Variants in UQCRH observed in about 807,000 individuals in gnomAD.
UQCRH encodes the protein ubiquinol-cytochrome c reductase hinge protein, also known as cytochrome b-c1 complex subunit 6, mitochondrial.
A neutral mutation model predicts 16.3 loss-of-function variants in UQCRH; 14 were observed. The observed-to-expected ratio is 0.86, with a 90% CI of 0.57 to 1.34. UQCRH has a LOEUF of 1.34. Among genes scored for constraint, UQCRH ranks in the 40% most tolerant of loss-of-function variants. The pLI, the probability that UQCRH is intolerant of heterozygous loss-of-function variation, is 0.00. For missense variants in UQCRH, 89 were observed against 111.9 expected (o/e 0.80, Z 0.92); for synonymous variants, 41 against 41.9 (o/e 0.98, Z 0.08).
At chr1:46,312,540 C>G (rs1363347385) in intron 3 of UQCRH, among the ~76,000 whole-genome samples, 3 of 151,828 alleles carry the variant, frequency 2.0e-5, no homozygotes, top group Non-Finnish European at 4.4e-5. Context: ...TGTGAGATAC[C>G]ATGCCTGGCC....
At chr1:46,303,901 C>G (rs1307524052) in intron 1 of UQCRH, 81 bp downstream of exon 1, 1 of 1,584,506 alleles carries the variant, frequency 6.3e-7, no homozygotes, top group Non-Finnish European at 8.7e-7. Context: ...ACGGGGCCCT[C>G]TTAGCCCCCA....
chr1:46,314,555 C>T (rs1337946687), intron 3 of UQCRH, among the ~76,000 whole-genome samples: 1 of 151,298 alleles, frequency 6.6e-6, no homozygotes, highest in East Asian at 1.9e-4. Flanking sequence ...CGCCTGTAAT[C>T]CCAGCTACTC....
At chr1:46,316,520 A>G (rs17102133) in intron 3 of UQCRH, 32 bp from the exon 4 acceptor site, 40,308 of 1,613,406 alleles carry the variant, frequency 0.025, 915 homozygotes, top group African/African-American at 0.1. Context: ...AAAGCTGCCA[A>G]TTGATTACCT....
intron 1 of UQCRH, 62 bp downstream of exon 1, chr1:46,303,882 A>G: frequency 6.2e-7 from 1 of 1,610,852 alleles, no homozygotes; most frequent in Non-Finnish European, 8.5e-7. Context: ...CTAGCCCGCC[A>G]AAACACGCAC....
chr1:46,312,427 T>G (rs1357590016), intron 3 of UQCRH, among the ~76,000 whole-genome samples: 1 of 152,038 alleles, frequency 6.6e-6, no homozygotes, highest in Non-Finnish European at 1.5e-5. Context: ...ATTTTTGTAT[T>G]TTTTGTAGAG....
chr1:46,314,364 CAA>C (rs59435183), intron 3 of UQCRH, among the ~76,000 whole-genome samples: 18 of 73,042 alleles, frequency 2.5e-4, no homozygotes, highest in Admixed American at 4.0e-4. Flanking sequence ...GACTCCGTCT[CAA>C]AAAAAAAAAA....
At chr1:46,313,088 C>A (rs150733134) in intron 3 of UQCRH, among the ~76,000 whole-genome samples, 3 of 152,064 alleles carry the variant, frequency 2.0e-5, no homozygotes, top group African/African-American at 7.3e-5. Flanking sequence ...CAATTACACT[C>A]GAAGATATAT....
chr1:46,310,353 A>T, intron 3 of UQCRH, 37 bp downstream of exon 3: 1 of 1,613,720 alleles, frequency 6.2e-7, no homozygotes, highest in Non-Finnish European at 8.5e-7. Context: ...GAAAGGTTGC[A>T]ATGGTCAGGG....
At position 46,314,222 on chromosome 1, in the gene UQCRH, C is replaced by T. The variant is rs146275236; in HGVS notation, c.244-2330C>T. Among the ~76,000 whole-genome samples the T allele has an allele frequency of 7.7e-3, 1,167 of 152,042 alleles. 9 individuals are homozygous for T. The highest frequency in any genetic ancestry group is 0.027 in the South Asian group (129 of 4,816). Reference sequence around the variant, plus strand: ...CTGTCTCAAAATACAAAAGATTAGCCGGGCATGGTGGCGGGTGCTTGTAGA... The same window carrying T: ...CTGTCTCAAAATACAAAAGATTAGCTGGGCATGGTGGCGGGTGCTTGTAGA... On this transcript the variant is annotated intron_variant, in intron 3 of 3. Transcript: ENST00000311672.
At chr1:46,304,697 A>G (rs1424818840) in intron 1 of UQCRH, among the ~76,000 whole-genome samples, 1 of 152,004 alleles carries the variant, frequency 6.6e-6, no homozygotes, top group East Asian at 1.9e-4. Context: ...AATTCATTTC[A>G]TCTACACACT....
At chr1:46,311,135 G>A (rs1661465557) in intron 3 of UQCRH, among the ~76,000 whole-genome samples, 1 of 151,680 alleles carries the variant, frequency 6.6e-6, no homozygotes, top group Non-Finnish European at 1.5e-5. Context: ...TTCCACTGGA[G>A]ATAGGTATCA....
Position 46,316,643 on chromosome 1 carries a change from G to A in UQCRH, c.*59G>A. On this transcript the variant is annotated 3_prime_UTR_variant, in exon 4 of 4. Transcript: ENST00000311672. Reference sequence around the variant, plus strand: ...TCTGGGCATCAGAATATTTCCTTATGGTTTTGGATGTACCATTTGTTTCTT... The same window carrying A: ...TCTGGGCATCAGAATATTTCCTTATAGTTTTGGATGTACCATTTGTTTCTT... 1 of 1,604,776 alleles carries A rather than the reference G, an allele frequency of 6.2e-7. No homozygotes were observed. Among genetic ancestry groups the A allele is most frequent in the South Asian group, 1.1e-5 (1 of 89,782 alleles).
At chr1:46,310,446 C>G in intron 3 of UQCRH, 130 bp downstream of exon 3, 1 of 1,354,800 alleles carries the variant, frequency 7.4e-7, no homozygotes, top group Non-Finnish European at 1.0e-6. Flanking sequence ...ATATGGTGCG[C>G]TGAGCATTTT....
In UQCRH at chr1:46,310,260, A is replaced by G; in HGVS notation, c.187A>G (p.Thr63Ala). 6.2e-7 allele frequency: 1 copy of G among 1,614,172 alleles called. No individual in the cohort carries two copies. Among genetic ancestry groups the G allele is most frequent in the Non-Finnish European group, 8.5e-7 (1 of 1,180,038 alleles). The part of the protein sequence containing the change: ...CDERVSSRSH[T>A]EEDCTEELFD... ...TGAGCGTGTATCCTCTCGATCACAT[A>G]CAGAAGAGGATTGCACGGAGGAGCT... Residue 63 changes from threonine (T) to alanine (A), a missense_variant, in exon 3 of 4, where the codon ACA (threonine) becomes GCA (alanine). Physicochemically the swap from Thr to Ala is moderately conservative, Grantham distance 58. Transcript: ENST00000311672.
intron 1 of UQCRH, among the ~76,000 whole-genome samples, 167 bp downstream of exon 1, chr1:46,303,987 G>A (rs1661311201): frequency 6.6e-6 from 1 of 152,206 alleles, no homozygotes; most frequent in African/African-American, 2.4e-5. Context: ...CGGTGACTTT[G>A]GACAGATAGA....
At chr1:46,304,706 C>G (rs1208547894) in intron 1 of UQCRH, among the ~76,000 whole-genome samples, 1 of 152,152 alleles carries the variant, frequency 6.6e-6, no homozygotes, top group Non-Finnish European at 1.5e-5. Flanking sequence ...CATCTACACA[C>G]TATTCCTATG....
Position 46,316,697 on chromosome 1 carries a change from C to T in UQCRH, c.*113C>T. The stretch of plus-strand genomic sequence containing the variant: ...TGTGTAACTGTAAGTTCACATGAAC[C>T]TCATGGGTTTGGCTTAGGCTGGTAG... On this transcript the variant is annotated 3_prime_UTR_variant, in exon 4 of 4. Transcript: ENST00000311672. The T allele has an allele frequency of 1.3e-6, 2 of 1,517,046 alleles. No individual in the cohort carries two copies. Among genetic ancestry groups the T allele is most frequent in the Non-Finnish European group, 1.8e-6 (2 of 1,117,112 alleles). 94.0% of individuals were successfully genotyped at this position (1,517,046 alleles called of 1,614,324 possible). A position where few individuals can be genotyped will look rare whatever the true frequency, so the allele number is the denominator to read the frequency against.
chr1:46,308,664 T>G (rs1661415646), intron 1 of UQCRH, among the ~76,000 whole-genome samples: 1 of 152,040 alleles, frequency 6.6e-6, no homozygotes, highest in Non-Finnish European at 1.5e-5. Flanking sequence ...TAATGAGACC[T>G]TGTCTCTACC....
intron 1 of UQCRH, 64 bp from the exon 2 acceptor site, chr1:46,309,037 G>T (rs1661422365): frequency 7.1e-6 from 11 of 1,543,998 alleles, no homozygotes; most frequent in East Asian, 2.3e-5. Context: ...AATTACATCA[G>T]TATGATCAGG....
Sources: allele counts gnomAD v4.1 joint callset (sites outside exome capture counted in the v4.1 genomes callset), GRCh38; gene constraint gnomAD v4.1.1; transcripts MANE v1.5; gene names NCBI Gene and HGNC (gene_info 2026-07-23, HGNC 2026-07-21).